Variants in FBF1 observed in about 807,000 individuals in gnomAD.
The protein encoded by FBF1 is fas-binding factor 1.
Under a neutral mutation model 147.2 loss-of-function variants are expected in FBF1, and 119 were observed. That is an observed-to-expected ratio of 0.81 (90% CI 0.70 to 0.94). FBF1 has a LOEUF of 0.94. FBF1 is among the 40% of genes least tolerant of loss of function. The pLI is 0.00. For synonymous variants in FBF1, 601 were observed against 609.0 expected (o/e 0.99, Z 0.19); for missense variants, 1,449 against 1,500.8 (o/e 0.97, Z 0.57).
chr17:75,929,949 C>T (rs1271120395), intron 7 of FBF1, 48 bp downstream of exon 7: 1 of 424,800 alleles, frequency 2.4e-6, no homozygotes, highest in South Asian at 1.7e-5. Flanking sequence ...ATCATGACCC[C>T]ACCCCACCCA....
Position 75,914,847 on chromosome 17 carries a change from GAGA to G in FBF1, c.2711_2713del (p.Phe904del), listed in dbSNP as rs1256261992. 1 of 1,610,572 alleles carries G rather than the reference GAGA, an allele frequency of 6.2e-7. No individual in the cohort carries two copies. Among genetic ancestry groups the G allele is most frequent in the Non-Finnish European group, 8.5e-7 (1 of 1,179,484 alleles). ...CTCCTTACTCAGCTTTTGCTGCGCG[GAGA>G]ACTCCGCCCACTCGGCAGCCAGGCG... On this transcript the variant is annotated inframe_deletion, in exon 25 of 30. Coordinates refer to ENST00000636174, the MANE Select transcript of FBF1 (RefSeq NM_001319193.2).
At chr17:75,915,270 G>T in intron 23 of FBF1, 131 bp from the exon 24 acceptor site, 1 of 1,378,750 alleles carries the variant, frequency 7.3e-7, no homozygotes, top group Non-Finnish European at 9.6e-7. Flanking sequence ...TCCCAAAGAG[G>T]CACAAAATGA....
At chr17:75,915,444 C>CA (rs2065482899) in intron 23 of FBF1, among the ~76,000 whole-genome samples, 1 of 152,210 alleles carries the variant, frequency 6.6e-6, no homozygotes, top group African/African-American at 2.4e-5. Context: ...GCCAGCTACG[C>CA]ACTCTGCCTG....
chr17:75,926,564 C>T (rs1218917109), intron 10 of FBF1, 138 bp from the exon 11 acceptor site: 1 of 1,369,908 alleles, frequency 7.3e-7, no homozygotes, highest in Non-Finnish European at 9.7e-7. Flanking sequence ...CCACGGGACC[C>T]AATTCCTCCA....
Position 75,921,940 on chromosome 17 carries a change from C to A in FBF1, c.1526+5G>T. 1.9e-6 allele frequency: 3 copies of A among 1,550,038 alleles called. No individual in the cohort carries two copies. Among genetic ancestry groups the A allele is most frequent in the South Asian group, 2.4e-5 (2 of 84,002 alleles). ...ATTCCCACTCAGCCCGCAGCCCAGG[C>A]CTACCCCGAGACACCAGGCCTGACA... On this transcript the variant is annotated splice_donor_5th_base_variant and intron_variant, in intron 15 of 29. Transcript: ENST00000636174.
chr17:75,920,225 C>T, intron 18 of FBF1, 49 bp downstream of exon 18: 1 of 1,596,730 alleles, frequency 6.3e-7, no homozygotes, highest in Non-Finnish European at 8.5e-7. Flanking sequence ...TCAGTGTCCC[C>T]TCCTGTCGCA....
chr17:75,919,648 T>G lies in FBF1; in HGVS notation c.2138+20A>C, dbSNP rs2065510925. ...ACTCCTTGCAAGCCTGCTCCCCAGCTGCCTGTCCCTGGGCCTCACCGCTGC... is the reference window on the plus strand; with the variant it reads ...ACTCCTTGCAAGCCTGCTCCCCAGCGGCCTGTCCCTGGGCCTCACCGCTGC... On this transcript the variant is annotated intron_variant, in intron 20 of 29. Coordinates refer to ENST00000636174, the MANE Select transcript of FBF1 (RefSeq NM_001319193.2). This position sits in a 1 kb window ranked among gnomAD's most constrained non-coding sequence, Gnocchi z 5.0. 2.5e-6 allele frequency: 4 copies of G among 1,577,846 alleles called. No individual in the cohort carries two copies. In the Admixed American group the frequency reaches 7.4e-5, roughly 29 times the overall value.
Position 75,923,182 on chromosome 17 carries a change from G to A in FBF1, c.1424+4C>T, listed in dbSNP as rs1282457231. On this transcript the variant is annotated splice_donor_region_variant and intron_variant, in intron 14 of 29. Coordinates refer to ENST00000636174, the MANE Select transcript of FBF1 (RefSeq NM_001319193.2). The surrounding 1 kb of genome is among the most constrained non-coding windows in gnomAD (Gnocchi z 4.1). ...CTACTAGCCACAGCAGCCTAAGTCA[G>A]TACCTGCCAGAAGGGGGATGGCCCG... 3.2e-6 allele frequency: 5 copies of A among 1,572,518 alleles called. No homozygotes were observed. The highest frequency in any genetic ancestry group is 1.8e-5 in the Admixed American group (1 of 54,434).
At chr17:75,916,544 AAGG>A (rs2065490418) in intron 23 of FBF1, among the ~76,000 whole-genome samples, 1 of 152,098 alleles carries the variant, frequency 6.6e-6, no homozygotes, top group Admixed American at 6.6e-5. Flanking sequence ...GGCTTAAGCC[AAGG>A]AGGTCAGGCT....
At chr17:75,929,754 G>A (rs1373984449) in intron 7 of FBF1, among the ~76,000 whole-genome samples, 3 of 152,106 alleles carry the variant, frequency 2.0e-5, no homozygotes, top group African/African-American at 7.2e-5. Flanking sequence ...GAGTAGAGCT[G>A]GCCCCGTTTC....
At chr17:75,914,453 G>A in intron 25 of FBF1, 155 bp from the exon 26 acceptor site, 3 of 1,205,030 alleles carry the variant, frequency 2.5e-6, no homozygotes, top group South Asian at 3.1e-5. Context: ...GGGCCAAGCC[G>A]GAGTGCTGCC....
Position 75,914,032 on chromosome 17 carries a change from C to T in FBF1, c.3010G>A (p.Glu1004Lys), listed in dbSNP as rs377618256. The change falls in exon 27 of 30, where the codon GAG becomes AAG. Residue 1004 changes from glutamate to lysine, a missense_variant. Glu to Lys is a moderately conservative substitution (Grantham distance 56, BLOSUM62 1). Coordinates refer to ENST00000636174, the MANE Select transcript of FBF1 (RefSeq NM_001319193.2). ...TCGCGCAATGCCCGCTCCCCCTCCT[C>T]GTACTTCTCGGAGGCCACCTGCAGG... ...SMSKVASEKY[E>K]EGERALREAQ... 2.1e-5 allele frequency: 34 copies of T among 1,588,354 alleles called. No individual in the cohort carries two copies. Among genetic ancestry groups the T allele is most frequent in the Admixed American group, 3.4e-5 (2 of 58,582 alleles).
At chr17:75,938,092 T>C in intron 2 of FBF1, 55 bp downstream of exon 2, 1 of 1,608,708 alleles carries the variant, frequency 6.2e-7, no homozygotes, top group Non-Finnish European at 8.5e-7. Flanking sequence ...TCTTTGGGGA[T>C]GCAGGATGGG....
chr17:75,932,865 A>C (rs2144191564), intron 5 of FBF1, 130 bp downstream of exon 5: 1 of 602,504 alleles, frequency 1.7e-6, no homozygotes, highest in East Asian at 2.9e-5. Flanking sequence ...CAGCCTCGGC[A>C]ACAAATATTC....
chr17:75,926,523 G>A, intron 10 of FBF1, 97 bp from the exon 11 acceptor site: 1 of 1,447,340 alleles, frequency 6.9e-7, no homozygotes, highest in Non-Finnish European at 9.1e-7. Context: ...CCTTTGGGTA[G>A]GACGACAGGC....
At chr17:75,929,945 A>ACTC in intron 7 of FBF1, 52 bp downstream of exon 7, 4 of 650,912 alleles carry the variant, frequency 6.1e-6, no homozygotes, top group South Asian at 3.2e-5. Context: ...AAATATCATG[A>ACTC]CCCCACCCCA....
intron 23 of FBF1, 111 bp from the exon 24 acceptor site, chr17:75,915,250 G>GAC: frequency 7.0e-7 from 1 of 1,426,324 alleles, no homozygotes; most frequent in Non-Finnish European, 9.3e-7. Context: ...CTATGCCACT[G>GAC]ACACGTCCTT....
In FBF1 at chr17:75,912,292, G is replaced by A. The variant is rs759069221; in HGVS notation, c.3263C>T (p.Ala1088Val). 8 of 1,602,036 alleles carry A rather than the reference G, an allele frequency of 5.0e-6. No homozygotes were observed. In the Admixed American group the frequency reaches 1.2e-4, roughly 24 times the overall value. ...CTGGCTGCACCAACGGGTGGTGGGA[G>A]CAGGAGGCATGAGGGCTGAAAAGGC... Reference protein sequence around the residue: ...ASSQSALMPPAPTTRWCSQPP... With the variant: ...ASSQSALMPPVPTTRWCSQPP... The change falls in exon 29 of 30, where the codon GCT becomes GTT. Residue 1088 changes from alanine to valine, a missense_variant. By Grantham distance (64) the Ala-to-Val change is moderately conservative. Transcript: ENST00000636174.
chr17:75,923,166 A>G lies in FBF1; in HGVS notation c.1424+20T>C, dbSNP rs753960284. The G allele has an allele frequency of 2.8e-5, 43 of 1,545,158 alleles. No individual in the cohort carries two copies. Among genetic ancestry groups the G allele is most frequent in the Non-Finnish European group, 3.6e-5 (41 of 1,143,856 alleles). ...CCAGCCAGTCCTCCCCCTACTAGCC[A>G]CAGCAGCCTAAGTCAGTACCTGCCA... On this transcript the variant is annotated intron_variant, in intron 14 of 29. Coordinates refer to ENST00000636174, the MANE Select transcript of FBF1 (RefSeq NM_001319193.2). This position sits in a 1 kb window ranked among gnomAD's most constrained non-coding sequence, Gnocchi z 4.1.
Sources: allele counts gnomAD v4.1 joint callset (sites outside exome capture counted in the v4.1 genomes callset), GRCh38; gene constraint gnomAD v4.1.1; non-coding constraint Gnocchi (gnomAD v3.1); transcripts MANE v1.5; gene names NCBI Gene and HGNC (gene_info 2026-07-23, HGNC 2026-07-21).